Variants in DEAF1 observed in about 807,000 individuals in gnomAD.
DEAF1 encodes DEAF1 transcription factor.
DEAF1 carries 53 observed loss-of-function variants against 58.9 expected under a neutral mutation model. That is an observed-to-expected ratio of 0.90 (90% CI 0.72 to 1.13). DEAF1 has a LOEUF of 1.13. DEAF1 is among the 50% of genes most tolerant of loss of function. The pLI, the probability that DEAF1 is intolerant of heterozygous loss-of-function variation, is 0.00. For missense variants in DEAF1, 685 were observed against 791.4 expected (o/e 0.87, Z 1.61); for synonymous variants, 385 against 340.4 (o/e 1.13, Z -1.44).
At chr11:701,609 C>T (rs1026518276) in intron 1 of DEAF1, among the ~76,000 whole-genome samples, 1 of 151,848 alleles carries the variant, frequency 6.6e-6, no homozygotes, top group African/African-American at 2.4e-5. Context: ...TGGGGTTTCA[C>T]CATGTTAGCC....
At chr11:647,406 G>A (rs1858548388) in intron 11 of DEAF1, among the ~76,000 whole-genome samples, 1 of 152,188 alleles carries the variant, frequency 6.6e-6, no homozygotes, top group Admixed American at 6.5e-5. Flanking sequence ...AGTGAGCCAA[G>A]ATCGCGCCGC....
At position 669,327 on chromosome 11, in the gene DEAF1, T is replaced by A. The variant is rs142696962; in HGVS notation, c.1503+5209A>T. Among the ~76,000 whole-genome samples the A allele has an allele frequency of 2.9e-3, 447 of 152,126 alleles. 4 individuals are homozygous for A. The highest frequency in any genetic ancestry group is 8.7e-3 in the East Asian group (45 of 5,174). The stretch of plus-strand genomic sequence containing the variant: ...AAGCATATTGGAGTTGAATTAGAAA[T>A]CAGTTGTGGTAGGAAATCTAGAAAA... On this transcript the variant is annotated intron_variant, in intron 10 of 11. Transcript: ENST00000382409.
intron 6 of DEAF1, 126 bp downstream of exon 6, chr11:684,772 A>C: frequency 1.2e-6 from 1 of 810,226 alleles, no homozygotes; most frequent in Non-Finnish European, 2.1e-6. Flanking sequence ...AGGAGAAGTG[A>C]GGACAGTGTC....
rs188292005 is a variant in DEAF1, at chr11:644,793, G to A, written c.1594-139C>T. The A allele has an allele frequency of 1.1e-4, 77 of 712,522 alleles. No homozygotes were observed. The East Asian group carries it at 1.5e-3, about 13-fold the overall frequency. The allele number at this position is 712,522 out of a possible 1,614,324, so 44.1% of individuals were successfully genotyped here. A position where few individuals can be genotyped will look rare whatever the true frequency, so the allele number is the denominator to read the frequency against. On this transcript the variant is annotated intron_variant, in intron 11 of 11. Coordinates refer to ENST00000382409, the MANE Select transcript of DEAF1 (RefSeq NM_021008.4). The surrounding 1 kb of genome is among the most constrained non-coding windows in gnomAD (Gnocchi z 4.3). ...GCTGAGAATGCCCTCCCCAGCCCCCGTGCGCCCAAACTCTGGTGGGCTCTG... is the reference window on the plus strand; with the variant it reads ...GCTGAGAATGCCCTCCCCAGCCCCCATGCGCCCAAACTCTGGTGGGCTCTG...
At chr11:704,050 T>C (rs1861616772) in intron 1 of DEAF1, 2 of 1,164,556 alleles carry the variant, frequency 1.7e-6, no homozygotes, top group Admixed American at 4.3e-5. Context: ...TTTCTATGTT[T>C]GGAATAATTA....
At chr11:691,735 C>T (rs1413415684) in intron 1 of DEAF1, 137 bp from the exon 2 acceptor site, 1 of 728,268 alleles carries the variant, frequency 1.4e-6, no homozygotes, top group Non-Finnish European at 2.4e-6. Flanking sequence ...TTAACACTTC[C>T]ATGAACACGC....
upstream of DEAF1, chr11:695,942 G>C: frequency 2.1e-6 from 2 of 972,700 alleles, no homozygotes; most frequent in East Asian, 6.6e-5. Flanking sequence ...GTGCGCTCAC[G>C]GGGCCGTGCC....
intron 10 of DEAF1, among the ~76,000 whole-genome samples, chr11:661,689 A>G (rs938452646): frequency 6.6e-6 from 1 of 152,184 alleles, no homozygotes; most frequent in Non-Finnish European, 1.5e-5. Flanking sequence ...CAGCCTGGGC[A>G]ACAAGAGCGA....
intron 11 of DEAF1, among the ~76,000 whole-genome samples, chr11:650,373 CAAAAA>C (rs796351710): frequency 2.2e-4 from 5 of 22,246 alleles, no homozygotes; most frequent in African/African-American, 7.2e-4. Context: ...CAGTCCGTCT[CAAAAA>C]AAAAAAAAAA....
chr11:696,167 G>C (rs1861144976), upstream of DEAF1, among the ~76,000 whole-genome samples: 1 of 152,176 alleles, frequency 6.6e-6, no homozygotes, highest in African/African-American at 2.4e-5. Flanking sequence ...CGGGATGGGC[G>C]CAGGGTTTCG....
At chr11:648,492 G>A (rs1783366815) in intron 11 of DEAF1, among the ~76,000 whole-genome samples, 2 of 152,202 alleles carry the variant, frequency 1.3e-5, no homozygotes, top group African/African-American at 2.4e-5. Context: ...ACCGTGCCCA[G>A]CTGAAGGCAG....
chr11:686,279 G>T (rs1423336249), intron 5 of DEAF1, among the ~76,000 whole-genome samples: 2 of 137,656 alleles, frequency 1.5e-5, no homozygotes, highest in Admixed American at 1.6e-4. Flanking sequence ...GCAACAGGGT[G>T]AGACTCTGTC....
In DEAF1 at chr11:644,656, T is replaced by G; in HGVS notation, c.1594-2A>C. 6.2e-7 allele frequency: 1 copy of G among 1,606,370 alleles called. No homozygotes were observed. Reference sequence around the variant, plus strand: ...TATGTGCTGGTGATCCTTCCAGTCCTGGAAGGGAGGACACACCCATGTCAG... The same window carrying G: ...TATGTGCTGGTGATCCTTCCAGTCCGGGAAGGGAGGACACACCCATGTCAG... On this transcript the variant is annotated splice_acceptor_variant, in intron 11 of 11. Coordinates refer to ENST00000382409, the MANE Select transcript of DEAF1 (RefSeq NM_021008.4). LOFTEE classifies it high-confidence loss of function. The surrounding 1 kb of genome is among the most constrained non-coding windows in gnomAD (Gnocchi z 4.3).
chr11:695,603 G>A, upstream of DEAF1: 8 of 1,243,772 alleles, frequency 6.4e-6, no homozygotes, highest in South Asian at 2.8e-4. Flanking sequence ...ATGTCCCCGA[G>A]GCCGAATGCT....
chr11:671,423 T>C (rs916067942), intron 10 of DEAF1, among the ~76,000 whole-genome samples: 51 of 152,130 alleles, frequency 3.4e-4, no homozygotes, highest in Non-Finnish European at 3.1e-4. Flanking sequence ...GGTTTCACCA[T>C]GTTGTCCAAG....
At position 677,359 on chromosome 11, in the gene DEAF1, C is replaced by T. The variant is rs1237321383; in HGVS notation, c.1255+1335G>A. On this transcript the variant is annotated intron_variant, in intron 9 of 11. Coordinates refer to ENST00000382409, the MANE Select transcript of DEAF1 (RefSeq NM_021008.4). The stretch of plus-strand genomic sequence containing the variant: ...ACTAAAAATACAAAAATTAGCCGGG[C>T]ATGGTGGCGCGTGCCTGAAGTCTAC... Among the ~76,000 whole-genome samples the T allele has an allele frequency of 5.0e-5, 3 of 59,608 alleles. 1 individual carries two copies. The highest frequency in any genetic ancestry group is 1.3e-4 in the Non-Finnish European group (3 of 23,020). 39.1% of individuals were successfully genotyped at this position (59,608 alleles called of 152,430 possible). A position where few individuals can be genotyped will look rare whatever the true frequency, so the allele number is the denominator to read the frequency against.
At chr11:684,344 G>A (rs1413386755) in intron 6 of DEAF1, among the ~76,000 whole-genome samples, 1 of 152,140 alleles carries the variant, frequency 6.6e-6, no homozygotes, top group Non-Finnish European at 1.5e-5. Context: ...CTTGAATCCA[G>A]GAGGCGGAGG....
At chr11:689,086 C>T (rs1009142548) in intron 2 of DEAF1, among the ~76,000 whole-genome samples, 1 of 152,176 alleles carries the variant, frequency 6.6e-6, no homozygotes, top group African/African-American at 2.4e-5. Flanking sequence ...TGGGGCAGAC[C>T]AGAGACTTCC....
At chr11:653,783 C>A (rs1377739769) in intron 11 of DEAF1, among the ~76,000 whole-genome samples, 179 bp downstream of exon 11, 2 of 152,180 alleles carry the variant, frequency 1.3e-5, no homozygotes, top group African/African-American at 2.4e-5. Context: ...GGCCATGTCA[C>A]ATGTGAGCCT....
Sources: gnomAD v4.1 joint callset for allele counts (sites outside exome capture counted in the v4.1 genomes callset) on GRCh38, gnomAD v4.1.1 for gene constraint, Gnocchi (gnomAD v3.1) non-coding constraint, MANE v1.5 for transcripts, NCBI Gene and HGNC (gene_info 2026-07-23, HGNC 2026-07-21) for gene names.